The following HCFC2 variants were observed in gnomAD, a reference collection of about 807,000 sequenced individuals.
HCFC2 encodes the protein host cell factor 2.
Under a neutral mutation model 89.2 loss-of-function variants are expected in HCFC2, and 18 were observed. The ratio of observed to expected loss-of-function variants is 0.20; its 90% CI spans 0.14 to 0.30. The LOEUF is 0.30. Ranked by LOEUF, HCFC2 falls within the 10% of genes least tolerant of loss-of-function variation. HCFC2 has a pLI of 1.00. For missense variants in HCFC2, 578 were observed against 956.1 expected (o/e 0.60, Z 5.21); for synonymous variants, 308 against 335.7 (o/e 0.92, Z 0.90).
intron 7 of HCFC2, among the ~76,000 whole-genome samples, chr12:104,083,494 G>A (rs1015781337): frequency 1.4e-4 from 21 of 152,124 alleles, no homozygotes; most frequent in African/African-American, 5.1e-4. Flanking sequence ...GTGATGTTGT[G>A]TTCCGGATTG....
rs1883805901 is a variant in HCFC2 at position 104,085,412 on chromosome 12, G to GTTAT, written c.1064-1435_1064-1434insTTAT. 2.0e-5 allele frequency among the ~76,000 whole-genome samples: 3 copies of GTTAT among 152,204 alleles called. No homozygotes were observed. The South Asian group carries it at 6.2e-4, about 32-fold the overall frequency. ...TGGAAATTATTAACTAAAGTCTAAGGATAAGCTTCAGTCTCTGAAATTGGA... is the reference window on the plus strand; with the variant it reads ...TGGAAATTATTAACTAAAGTCTAAGGTTATATAAGCTTCAGTCTCTGAAATTGGA... On this transcript the variant is annotated intron_variant, in intron 7 of 14. Coordinates refer to ENST00000229330, the MANE Select transcript of HCFC2 (RefSeq NM_013320.3).
Position 104,064,813 on chromosome 12 carries a change from C to A in HCFC2, c.163+90C>A. 8.1e-7 allele frequency: 1 copy of A among 1,236,798 alleles called. No individual in the cohort carries two copies. 76.6% of individuals were successfully genotyped at this position (1,236,798 alleles called of 1,614,324 possible). ...CGGCGGCCGCGGCCCTGACAGCTGT[C>A]ACCGCCCGGTCACTGCTTCCTTGGG... On this transcript the variant is annotated intron_variant, in intron 1 of 14. Transcript: ENST00000229330. This position sits in a 1 kb window ranked among gnomAD's most constrained non-coding sequence, Gnocchi z 7.3.
At position 104,095,737 on chromosome 12, in the gene HCFC2, T is replaced by G. The variant is rs1428867728; in HGVS notation, c.1666+174T>G. On this transcript the variant is annotated intron_variant, in intron 11 of 14. Coordinates refer to ENST00000229330, the MANE Select transcript of HCFC2 (RefSeq NM_013320.3). This position sits in a 1 kb window ranked among gnomAD's most constrained non-coding sequence, Gnocchi z 4.2. ...TGACCTAAATTTAACTTTTAGAATC[T>G]TTAAGAATTCTTTTTAGTTTTTGTT... Among the ~76,000 whole-genome samples, 1 of 152,222 alleles carries G rather than the reference T, an allele frequency of 6.6e-6. No homozygotes were observed. The highest frequency in any genetic ancestry group is 1.5e-5 in the Non-Finnish European group (1 of 68,024).
intron 13 of HCFC2, among the ~76,000 whole-genome samples, chr12:104,100,281 AT>A (rs2029899089): frequency 6.6e-6 from 1 of 152,120 alleles, no homozygotes; most frequent in South Asian, 2.1e-4. Flanking sequence ...TCCAAAGCAC[AT>A]TGGAAAAATT....
chr12:104,098,227 T>C (rs950458872), intron 12 of HCFC2, 116 bp from the exon 13 acceptor site: 2 of 701,622 alleles, frequency 2.9e-6, no homozygotes, highest in Middle Eastern at 4.2e-4. Context: ...GAGTTGTTAA[T>C]GTTGTGGTGT....
At chr12:104,080,692 A>G in intron 4 of HCFC2, 54 bp from the exon 5 acceptor site, 1 of 1,014,480 alleles carries the variant, frequency 9.9e-7, no homozygotes, top group Non-Finnish European at 1.5e-6. Context: ...ATGGAAGTTG[A>G]GGTAATTTAC....
chr12:104,079,366 T>A (rs1478658902), intron 3 of HCFC2, 79 bp from the exon 4 acceptor site: 56 of 1,172,372 alleles, frequency 4.8e-5, no homozygotes, highest in Middle Eastern at 2.9e-4. Flanking sequence ...AAGCACATTT[T>A]ATCTTTATAA....
At position 104,075,835 on chromosome 12, in the gene HCFC2, T is replaced by G. The variant is rs200391499; in HGVS notation, c.474-3610T>G. Among the ~76,000 whole-genome samples, 499 of 152,344 alleles carry G rather than the reference T, an allele frequency of 3.3e-3. 11 individuals carry two copies. Among genetic ancestry groups the G allele is most frequent in the East Asian group, 0.025 (131 of 5,194 alleles). On this transcript the variant is annotated intron_variant, in intron 3 of 14. Coordinates refer to ENST00000229330, the MANE Select transcript of HCFC2 (RefSeq NM_013320.3). ...GAATGCTCATTAGTTCATTTTTTTT[T>G]CAGTGTTATTTTCCTGTGATTATAT...
chr12:104,082,756 TA>T lies in HCFC2; in HGVS notation c.926del (p.Asn309IlefsTer32). 3.1e-6 allele frequency: 5 copies of T among 1,613,216 alleles called. No individual in the cohort carries two copies. Among genetic ancestry groups the T allele is most frequent in the South Asian group, 2.2e-5 (2 of 90,944 alleles). On this transcript the variant is annotated frameshift_variant, in exon 7 of 15. Coordinates refer to ENST00000229330, the MANE Select transcript of HCFC2 (RefSeq NM_013320.3). LOFTEE classifies it high-confidence loss of function. ...TTLVSDSQED[K>X]KNSRPRPRAG... ...CCCTAGTATCAGATTCTCAGGAAGA[TA>T]AAAAAAATTCAAGACCAAGACCAAG...
At chr12:104,099,753 C>T (rs1452730861) in intron 13 of HCFC2, among the ~76,000 whole-genome samples, 4 of 152,172 alleles carry the variant, frequency 2.6e-5, no homozygotes, top group Non-Finnish European at 5.9e-5. Context: ...GCAGCCTCAA[C>T]CTCCTGGGCT....
intron 3 of HCFC2, among the ~76,000 whole-genome samples, chr12:104,079,004 CT>C (rs1376182621): frequency 1.3e-5 from 2 of 152,142 alleles, no homozygotes; most frequent in Non-Finnish European, 2.9e-5. Context: ...CCATTTAGGC[CT>C]TCTGTGACCC....
intron 5 of HCFC2, among the ~76,000 whole-genome samples, chr12:104,081,960 T>C (rs1215635118): frequency 6.6e-6 from 1 of 151,332 alleles, no homozygotes; most frequent in Non-Finnish European, 1.5e-5. Flanking sequence ...ATAGATCTGG[T>C]TGACATCAGG....
chr12:104,103,027 A>G lies in HCFC2; in HGVS notation c.2133A>G (p.Ser711=), dbSNP rs1239709462. The change falls in exon 15 of 15, where the codon TCA becomes TCG. Residue 711 remains serine, a synonymous_variant. Transcript: ENST00000229330. The part of the protein sequence containing the change: ...TSPSGNILEY[S]AYLAIRTAQI... Reference sequence around the variant, plus strand: ...CTTCTGGAAATATTTTGGAATATTCAGCCTACTTGGCTATCCGCACAGCAC... The same window carrying G: ...CTTCTGGAAATATTTTGGAATATTCGGCCTACTTGGCTATCCGCACAGCAC... The G allele has an allele frequency of 6.2e-6, 10 of 1,613,826 alleles. No individual in the cohort carries two copies. Among genetic ancestry groups the G allele is most frequent in the Non-Finnish European group, 7.6e-6 (9 of 1,179,876 alleles).
In HCFC2 at chr12:104,064,659, G is replaced by A; in HGVS notation, c.99G>A (p.Glu33=). 7 of 1,581,310 alleles carry A rather than the reference G, an allele frequency of 4.4e-6. No homozygotes were observed. The highest frequency in any genetic ancestry group is 6.0e-6 in the Non-Finnish European group (7 of 1,165,878). The change falls in exon 1 of 15, where the codon GAG becomes GAA. Residue 33 remains glutamate (E), a synonymous_variant. Coordinates refer to ENST00000229330, the MANE Select transcript of HCFC2 (RefSeq NM_013320.3). This position sits in a 1 kb window ranked among gnomAD's most constrained non-coding sequence, Gnocchi z 7.3. ...RHGHRAVAIR[E]LMIIFGGGNE... ...GACACCGAGCGGTGGCCATCCGGGAGCTGATGATCATCTTTGGAGGGGGAA... is the reference window on the plus strand; with the variant it reads ...GACACCGAGCGGTGGCCATCCGGGAACTGATGATCATCTTTGGAGGGGGAA...
chr12:104,084,935 A>G (rs1883790865), intron 7 of HCFC2, among the ~76,000 whole-genome samples: 2 of 152,182 alleles, frequency 1.3e-5, no homozygotes, highest in South Asian at 2.1e-4. Flanking sequence ...AGAAAACAGC[A>G]TTGTGGAGAA....
chr12:104,073,268 G>A (rs983671871), intron 3 of HCFC2, among the ~76,000 whole-genome samples: 9 of 150,158 alleles, frequency 6.0e-5, no homozygotes, highest in Non-Finnish European at 8.9e-5. Context: ...GGGTTCAAGC[G>A]ATTCTCCTGC....
At chr12:104,085,831 T>C (rs922321790) in intron 7 of HCFC2, among the ~76,000 whole-genome samples, 3 of 152,088 alleles carry the variant, frequency 2.0e-5, no homozygotes, top group Non-Finnish European at 4.4e-5. Context: ...TTTTACTTGC[T>C]TTACAAGCAT....
chr12:104,072,871 C>T (rs964484098), intron 3 of HCFC2, among the ~76,000 whole-genome samples: 1 of 151,956 alleles, frequency 6.6e-6, no homozygotes, highest in Non-Finnish European at 1.5e-5. Context: ...GTCTCGATCT[C>T]CTGACCTCGT....
chr12:104,079,155 A>G (rs1440141136), intron 3 of HCFC2, among the ~76,000 whole-genome samples: 4 of 152,184 alleles, frequency 2.6e-5, no homozygotes, highest in Middle Eastern at 3.2e-3. Context: ...CTATGTTTTA[A>G]CACCAACAGT....
Sources: gnomAD v4.1 joint callset for allele counts (sites outside exome capture counted in the v4.1 genomes callset) on GRCh38, gnomAD v4.1.1 for gene constraint, Gnocchi (gnomAD v3.1) non-coding constraint, MANE v1.5 for transcripts, NCBI Gene and HGNC (gene_info 2026-07-23, HGNC 2026-07-21) for gene names.